CNBD1: variants seen among roughly 807,000 people sequenced by gnomAD.
The protein encoded by CNBD1 is cyclic nucleotide binding domain containing 1.
A neutral mutation model predicts 54.4 loss-of-function variants in CNBD1; 71 were observed. That is an observed-to-expected ratio of 1.30 (90% CI 1.08 to 1.59). CNBD1 has a LOEUF of 1.59. Ranked by LOEUF, CNBD1 falls within the 40% of genes most tolerant of loss-of-function variation. The pLI, the probability that CNBD1 is intolerant of heterozygous loss-of-function variation, is 0.00. For missense variants in CNBD1, 659 were observed against 518.0 expected (o/e 1.27, Z -2.64); for synonymous variants, 182 against 170.7 (o/e 1.07, Z -0.51).
intron 10 of CNBD1, among the ~76,000 whole-genome samples, chr8:87,372,931 A>T (rs1485675526): frequency 1.3e-5 from 2 of 151,704 alleles, no homozygotes. Flanking sequence ...CCTTTACCTA[A>T]GTAAACTCCT....
At chr8:87,293,779 G>A (rs553132834) in intron 8 of CNBD1, among the ~76,000 whole-genome samples, 4 of 152,164 alleles carry the variant, frequency 2.6e-5, no homozygotes, top group Non-Finnish European at 5.9e-5. Flanking sequence ...AGTGGAAACT[G>A]AATAGGAGAG....
chr8:87,310,988 A>T (rs1809251966), intron 8 of CNBD1, among the ~76,000 whole-genome samples: 1 of 152,276 alleles, frequency 6.6e-6, no homozygotes, highest in South Asian at 2.1e-4. Flanking sequence ...ACCTCAAAAT[A>T]TAAGAACCCT....
intron 4 of CNBD1, among the ~76,000 whole-genome samples, chr8:87,011,759 C>T (rs1327576222): frequency 6.6e-6 from 1 of 151,854 alleles, no homozygotes; most frequent in East Asian, 1.9e-4. Flanking sequence ...TGTTACAGTA[C>T]ACTAATTTAA....
chr8:87,286,116 C>A (rs1007875371), intron 7 of CNBD1, among the ~76,000 whole-genome samples: 1 of 152,084 alleles, frequency 6.6e-6, no homozygotes, highest in South Asian at 2.1e-4. Context: ...CAGAATTCAA[C>A]GTTATTCCAA....
At chr8:87,238,904 C>G (rs1807634643) in intron 6 of CNBD1, among the ~76,000 whole-genome samples, 1 of 152,086 alleles carries the variant, frequency 6.6e-6, no homozygotes, top group Non-Finnish European at 1.5e-5. Flanking sequence ...CAGCAATCAT[C>G]CTATGCCATG....
intron 10 of CNBD1, among the ~76,000 whole-genome samples, chr8:87,361,980 A>T (rs10095436): frequency 6.6e-6 from 1 of 151,702 alleles, no homozygotes; most frequent in East Asian, 1.9e-4. Flanking sequence ...GAGATGAAAC[A>T]CTTTTAATTC....
At chr8:87,359,858 A>G (rs879010416) in intron 10 of CNBD1, among the ~76,000 whole-genome samples, 1 of 152,080 alleles carries the variant, frequency 6.6e-6, no homozygotes, top group African/African-American at 2.4e-5. Context: ...TTTAAATTTG[A>G]GAAAGTCCAC....
intron 6 of CNBD1, among the ~76,000 whole-genome samples, chr8:87,249,670 G>A (rs1335114363): frequency 6.6e-6 from 1 of 152,098 alleles, no homozygotes; most frequent in African/African-American, 2.4e-5. Context: ...TGTGCACTTT[G>A]CAGCCTAATT....
intron 2 of CNBD1, among the ~76,000 whole-genome samples, chr8:87,395,656 A>C (rs531194290): frequency 7.0e-4 from 106 of 152,038 alleles, no homozygotes; most frequent in Non-Finnish European, 1.3e-3. Flanking sequence ...TATCACAGGC[A>C]TAAGAACACA....
At chr8:87,239,464 A>G (rs903787034) in intron 6 of CNBD1, among the ~76,000 whole-genome samples, 1 of 152,118 alleles carries the variant, frequency 6.6e-6, no homozygotes, top group Non-Finnish European at 1.5e-5. Flanking sequence ...GTAGTTTTGC[A>G]CACATAAAGG....
intron 4 of CNBD1, among the ~76,000 whole-genome samples, chr8:87,071,810 T>C (rs1365669926): frequency 6.6e-6 from 1 of 152,164 alleles, no homozygotes; most frequent in Non-Finnish European, 1.5e-5. Flanking sequence ...GAGAGTTATG[T>C]AGATATCTAT....
At chr8:87,129,823 G>A (rs1169379384) in intron 4 of CNBD1, among the ~76,000 whole-genome samples, 2 of 151,908 alleles carry the variant, frequency 1.3e-5, no homozygotes, top group Non-Finnish European at 2.9e-5. Context: ...AAGTGTTATT[G>A]TATTAGTCCA....
At chr8:87,178,815 T>G (rs1164274228) in intron 4 of CNBD1, among the ~76,000 whole-genome samples, 1 of 151,994 alleles carries the variant, frequency 6.6e-6, no homozygotes, top group Non-Finnish European at 1.5e-5. Context: ...AAAGGTAGAG[T>G]TTCACCTTGA....
At chr8:87,154,189 GCA>G in intron 4 of CNBD1, among the ~76,000 whole-genome samples, 1 of 152,156 alleles carries the variant, frequency 6.6e-6, no homozygotes, top group African/African-American at 2.4e-5. Flanking sequence ...TTAACCTATC[GCA>G]TCTCCAATTT....
chr8:87,303,499 A>G (rs1809062945), intron 8 of CNBD1, among the ~76,000 whole-genome samples: 1 of 152,076 alleles, frequency 6.6e-6, no homozygotes, highest in African/African-American at 2.4e-5. Flanking sequence ...AGATGGATTA[A>G]AGACTTAAAT....
intron 1 of CNBD1, among the ~76,000 whole-genome samples, chr8:86,884,175 AC>A (rs201156603): frequency 4.5e-4 from 66 of 146,614 alleles, no homozygotes; most frequent in African/African-American, 6.7e-4. Flanking sequence ...ACAAAACAAA[AC>A]AAAAAAACCT....
chr8:86,938,459 TAAAGG>T (rs60921410), intron 3 of CNBD1, among the ~76,000 whole-genome samples: 8,394 of 152,218 alleles, frequency 0.055, 734 homozygotes, highest in African/African-American at 0.19. Context: ...GGGAAATTTA[TAAAGG>T]AAAGAGGTTT....
intron 8 of CNBD1, among the ~76,000 whole-genome samples, chr8:87,330,263 G>C (rs955794973): frequency 1.2e-4 from 17 of 144,900 alleles, no homozygotes; most frequent in African/African-American, 4.5e-4. Context: ...CTGGTTAGAG[G>C]CTTATCAGTT....
chr8:86,887,572 G>T lies in CNBD1; in HGVS notation c.119G>T (p.Gly40Val). 1 of 1,578,054 alleles carries T rather than the reference G, an allele frequency of 6.3e-7. No individual in the cohort carries two copies. The highest frequency in any genetic ancestry group is 8.6e-7 in the Non-Finnish European group (1 of 1,159,930). Residue 40 changes from glycine (G) to valine (V), a missense_variant, in exon 2 of 11, where the codon GGC (glycine) becomes GTC (valine). Gly to Val is a moderately radical substitution (Grantham distance 109). Transcript: ENST00000518476. ...AAAAAGTCTAAGCACATTAATTATG[G>T]CCAGTTGAATGCATTATGCCACATT... ...NLKKSKHINY[G>V]QLNALCHIRG...
Sources: gnomAD v4.1 joint callset for allele counts (sites outside exome capture counted in the v4.1 genomes callset) on GRCh38, gnomAD v4.1.1 for gene constraint, MANE v1.5 for transcripts, NCBI Gene and HGNC (gene_info 2026-07-23, HGNC 2026-07-21) for gene names.